FLT4: variants seen among roughly 807,000 people sequenced by gnomAD.
The protein encoded by FLT4 is vascular endothelial growth factor receptor 3.
In FLT4, 30 loss-of-function variants were observed where a neutral mutation model predicts 163.2. The observed-to-expected ratio is 0.18, with a 90% CI of 0.14 to 0.25. The LOEUF (loss-of-function observed/expected upper bound fraction) is 0.25. Among genes scored for constraint, FLT4 ranks in the 10% least tolerant of loss-of-function variants. FLT4 has a pLI of 1.00. For missense variants in FLT4, 1,510 were observed against 1,863.8 expected, an observed-to-expected ratio of 0.81 and a Z score of 3.50; for synonymous variants, 884 against 789.5, an observed-to-expected ratio of 1.12 and a Z score of -2.01.
At chr5:180,648,093 G>A (rs1267124041) in intron 1 of FLT4, among the ~76,000 whole-genome samples, 4 of 152,136 alleles carry the variant, frequency 2.6e-5, no homozygotes, top group African/African-American at 4.8e-5. Context: ...CAGGATAAGC[G>A]TCTCCCATTC....
chr5:180,636,350 G>A lies in FLT4; in HGVS notation c.59-4572C>T, dbSNP rs1331973030. On this transcript the variant is annotated intron_variant, in intron 1 of 29. Transcript: ENST00000261937. The surrounding 1 kb of genome is among the most constrained non-coding windows in gnomAD (Gnocchi z 4.3). Reference sequence around the variant, plus strand: ...GCCTTATGTGAAGCCTGGCTTTCTGGCCACGGCACTGGCCCTGGGCGGTTA... The same window carrying A: ...GCCTTATGTGAAGCCTGGCTTTCTGACCACGGCACTGGCCCTGGGCGGTTA... Among the ~76,000 whole-genome samples the A allele has an allele frequency of 6.6e-6, 1 of 152,054 alleles. No homozygotes were observed. Among genetic ancestry groups the A allele is most frequent in the East Asian group, 1.9e-4 (1 of 5,196 alleles).
In FLT4 at chr5:180,608,065, G is replaced by T. The variant is rs1761898240; in HGVS notation, c.3893+903C>A. The T allele has an allele frequency of 5.7e-6, 4 of 700,252 alleles. No individual in the cohort carries two copies. In the South Asian group the frequency reaches 5.9e-5, roughly 10 times the overall value. The allele number at this position is 700,252 out of a possible 1,614,324, so 43.4% of individuals were successfully genotyped here. ...GGGAGGCTGGATATTATCCAGGCCT[G>T]CCCGCAGTCATCCGGAGGCCTAACC... On this transcript the variant is annotated intron_variant, in intron 29 of 29. Transcript: ENST00000261937.
Position 180,613,843 on chromosome 5 carries a change from G to A in FLT4, c.3331+225C>T, listed in dbSNP as rs1762403901. 3.0e-5 allele frequency: 18 copies of A among 604,424 alleles called. No homozygotes were observed. In the South Asian group the frequency reaches 3.0e-4, roughly 10 times the overall value. The allele number at this position is 604,424 out of a possible 1,614,324, so 37.4% of individuals were successfully genotyped here. On this transcript the variant is annotated intron_variant, in intron 24 of 29. Coordinates refer to ENST00000261937, the MANE Select transcript of FLT4 (RefSeq NM_182925.5). ...GCTCAGTCCTGGCTCAGGCTTCAAT[G>A]TGCACCCCACAGAGGGTGGCCCACG...
At position 180,619,659 on chromosome 5, in the gene FLT4, C is replaced by T. The variant is rs767947321; in HGVS notation, c.2647+6G>A. On this transcript the variant is annotated splice_donor_region_variant and intron_variant, in intron 18 of 29. Coordinates refer to ENST00000261937, the MANE Select transcript of FLT4 (RefSeq NM_182925.5). ...AGGCTGCCCCTTCCGCCCGCTGACC[C>T]CACACCTTTCAGCATTTTCACGGCC... 6.2e-7 allele frequency: 1 copy of T among 1,609,780 alleles called. No homozygotes were observed. Among genetic ancestry groups the T allele is most frequent in the South Asian group, 1.1e-5 (1 of 91,032 alleles).
rs368426530 is a variant in FLT4, at chr5:180,621,821, C to T, written c.1741G>A (p.Asp581Asn). Residue 581 changes from aspartate (D) to asparagine (N), a missense_variant, in exon 13 of 30, where the codon GAC becomes AAC. By Grantham distance (23) the Asp-to-Asn change is conservative. This residue lies in a region of FLT4 where 878 missense variants were observed against 1,016.7 expected (regional missense o/e 0.86). Transcript: ENST00000261937. ...GQPVLLSCQA[D>N]SYKYEHLRWY... ...CGCAGATGCTCGTACTTGTAGCTGT[C>T]GGCTTGGCAGCTCAGGAGCACCGGC... The T allele has an allele frequency of 1.1e-5, 18 of 1,613,184 alleles. No homozygotes were observed. The highest frequency in any genetic ancestry group is 1.6e-4 in the Middle Eastern group (1 of 6,082).
chr5:180,625,797 A>G, intron 10 of FLT4, 72 bp downstream of exon 10: 1 of 1,441,812 alleles, frequency 6.9e-7, no homozygotes, highest in Non-Finnish European at 9.7e-7. Flanking sequence ...GGGGTGCTGT[A>G]AAGGAGGTTC....
At chr5:180,640,885 G>C (rs547220428) in intron 1 of FLT4, among the ~76,000 whole-genome samples, 65 of 152,346 alleles carry the variant, frequency 4.3e-4, no homozygotes, top group Non-Finnish European at 6.9e-4. Flanking sequence ...CTCTCTACGG[G>C]GCAGTGTGGG....
At chr5:180,639,123 A>T (rs1764903955) in intron 1 of FLT4, among the ~76,000 whole-genome samples, 1 of 150,618 alleles carries the variant, frequency 6.6e-6, no homozygotes, top group Admixed American at 6.6e-5. Flanking sequence ...GAATGGATGG[A>T]TGGATGCATG....
Position 180,612,627 on chromosome 5 carries a change from G to A in FLT4, c.3432-16C>T, listed in dbSNP as rs2127794719. 6.3e-7 allele frequency: 1 copy of A among 1,597,756 alleles called. No individual in the cohort carries two copies. The highest frequency in any genetic ancestry group is 1.1e-5 in the South Asian group (1 of 90,792). Reference sequence around the variant, plus strand: ...GATGCGGCGTCTGCAGGATCACGTGGGCTGCTGGACTGCATGCACCCCACC... The same window carrying A: ...GATGCGGCGTCTGCAGGATCACGTGAGCTGCTGGACTGCATGCACCCCACC... On this transcript the variant is annotated splice_polypyrimidine_tract_variant and intron_variant, in intron 25 of 29. Coordinates refer to ENST00000261937, the MANE Select transcript of FLT4 (RefSeq NM_182925.5).
At chr5:180,603,834 G>A (rs1436773894) in intron 29 of FLT4, among the ~76,000 whole-genome samples, 1 of 152,032 alleles carries the variant, frequency 6.6e-6, no homozygotes, top group East Asian at 1.9e-4. Flanking sequence ...AACCCGGGAG[G>A]CGGAGCTTGC....
At chr5:180,603,891 G>T (rs932379467) in intron 29 of FLT4, among the ~76,000 whole-genome samples, 2 of 145,480 alleles carry the variant, frequency 1.4e-5, no homozygotes, top group Admixed American at 6.8e-5. Context: ...GCGACAGAGT[G>T]AGACTCCATC....
At position 180,621,180 on chromosome 5, in the gene FLT4, T is replaced by C. The variant is rs775717933; in HGVS notation, c.2093A>G (p.Gln698Arg). ...LVNVSDSLEM[Q>R]CLVAGAHAPS... is the part of the protein sequence containing the mutation. ...CGCGTGCGCTCCGGCCACCAAGCAC[T>C]GCATCTCCAGCGAGTCGCTCACGTT... The change falls in exon 14 of 30, where the codon CAG becomes CGG. Residue 698 changes from glutamine to arginine, a missense_variant. Gln to Arg is a conservative substitution (Grantham distance 43). Around this residue, in one of 5 missense-constraint regions of FLT4, gnomAD observed 878 missense variants for 1,016.7 expected, o/e 0.86. Transcript: ENST00000261937. 2 of 1,612,710 alleles carry C rather than the reference T, an allele frequency of 1.2e-6. No homozygotes were observed. The highest frequency in any genetic ancestry group is 1.7e-5 in the Admixed American group (1 of 60,006).
rs768956955 is a variant in FLT4, at chr5:180,624,060, G to A, written c.1423C>T (p.Arg475Trp). The stretch of plus-strand genomic sequence containing the variant: ...ATGAGGTCTTGCTGCTGCCGCCGCC[G>A]GCTGCCAGGACCAGAAGAGGCAAGG... ...PCKMFAQRSLRRRQQQDLMPQ... is the reference protein window; with the variant it reads ...PCKMFAQRSLWRRQQQDLMPQ... Residue 475 changes from arginine (R) to tryptophan (W), a missense_variant and splice_region_variant, in exon 11 of 30, where the codon CGG becomes TGG. Arg to Trp is a moderately radical substitution (Grantham distance 101). This residue lies in a region of FLT4 where 878 missense variants were observed against 1,016.7 expected (regional missense o/e 0.86). Coordinates refer to ENST00000261937, the MANE Select transcript of FLT4 (RefSeq NM_182925.5). The A allele has an allele frequency of 2.3e-5, 37 of 1,611,662 alleles. No homozygotes were observed. Among genetic ancestry groups the A allele is most frequent in the South Asian group, 4.4e-5 (4 of 91,076 alleles).
At chr5:180,631,307 A>C (rs936196933) in intron 2 of FLT4, among the ~76,000 whole-genome samples, 5 of 151,954 alleles carry the variant, frequency 3.3e-5, no homozygotes, top group African/African-American at 9.7e-5. Flanking sequence ...CCCCGTCTCT[A>C]CTACAAATAC....
chr5:180,643,808 A>T (rs1019308898), intron 1 of FLT4, among the ~76,000 whole-genome samples: 10 of 148,442 alleles, frequency 6.7e-5, no homozygotes, highest in African/African-American at 4.9e-5. Flanking sequence ...CGGCCGGCTC[A>T]TTACCACTTT....
At chr5:180,624,276 G>T (rs914084184) in intron 10 of FLT4, among the ~76,000 whole-genome samples, 3 of 151,088 alleles carry the variant, frequency 2.0e-5, no homozygotes, top group African/African-American at 7.3e-5. Context: ...GCCCAGGCTG[G>T]ACTGCAATGG....
intron 20 of FLT4, 42 bp from the exon 21 acceptor site, chr5:180,618,962 G>C (rs776384851): frequency 6.4e-7 from 1 of 1,556,626 alleles, no homozygotes. Flanking sequence ...CCAGTCGTCC[G>C]CCGCAGAGGC....
Position 180,612,630 on chromosome 5 carries a change from T to A in FLT4, c.3432-19A>T. The A allele has an allele frequency of 6.3e-7, 1 of 1,586,472 alleles. No homozygotes were observed. The highest frequency in any genetic ancestry group is 8.7e-7 in the Non-Finnish European group (1 of 1,154,748). ...GCGGCGTCTGCAGGATCACGTGGGCTGCTGGACTGCATGCACCCCACCCCC... is the reference window on the plus strand; with the variant it reads ...GCGGCGTCTGCAGGATCACGTGGGCAGCTGGACTGCATGCACCCCACCCCC... On this transcript the variant is annotated intron_variant, in intron 25 of 29. Transcript: ENST00000261937.
chr5:180,611,417 C>G lies in FLT4; in HGVS notation c.3600G>C (p.Ser1200=), dbSNP rs779186080. The change falls in exon 27 of 30, where the codon TCG becomes TCC. Residue 1200 remains serine (S), a synonymous_variant. Coordinates refer to ENST00000261937, the MANE Select transcript of FLT4 (RefSeq NM_182925.5). ...TGTGTAGGGCCATGGTGGACACCTG[C>G]GAGAAGCTGCCCTCTTCTGAGCTCT... ...SSQSSEEGSF[S]QVSTMALHIA... is the part of the protein sequence containing the mutation. 6.2e-7 allele frequency: 1 copy of G among 1,613,870 alleles called. No homozygotes were observed. The highest frequency in any genetic ancestry group is 8.5e-7 in the Non-Finnish European group (1 of 1,179,978).
Sources: gnomAD v4.1 joint callset for allele counts (sites outside exome capture counted in the v4.1 genomes callset) on GRCh38, gnomAD v4.1.1 for gene constraint, gnomAD v4.1.1 regional missense constraint, Gnocchi (gnomAD v3.1) non-coding constraint, MANE v1.5 for transcripts, NCBI Gene and HGNC (gene_info 2026-07-23, HGNC 2026-07-21) for gene names.